Variants in SLIT2 observed in about 807,000 individuals in gnomAD.
SLIT2 encodes the protein slit homolog 2 protein.
Under a neutral mutation model 185.7 loss-of-function variants are expected in SLIT2, and 41 were observed. That is an observed-to-expected ratio of 0.22 (90% CI 0.17 to 0.29). SLIT2 has a LOEUF of 0.29. Ranked by LOEUF, SLIT2 falls within the 10% of genes least tolerant of loss-of-function variation. The pLI is 1.00. For synonymous variants in SLIT2, 693 were observed against 680.2 expected (o/e 1.02, Z -0.29); for missense variants, 1,571 against 1,909.0 (o/e 0.82, Z 3.30).
intron 4 of SLIT2, among the ~76,000 whole-genome samples, chr4:20,450,595 A>T (rs1314454681): frequency 6.6e-6 from 1 of 152,174 alleles, no homozygotes; most frequent in East Asian, 1.9e-4. Flanking sequence ...TTTACCTAGC[A>T]ATATTTCTGA....
chr4:20,518,141 T>TTA (rs201319960), intron 11 of SLIT2, among the ~76,000 whole-genome samples: 1 of 141,672 alleles, frequency 7.1e-6, no homozygotes, highest in Non-Finnish European at 1.5e-5. Flanking sequence ...ATACATATAT[T>TTA]TATATATATA....
intron 29 of SLIT2, among the ~76,000 whole-genome samples, chr4:20,577,074 A>C (rs562659625): frequency 1.3e-5 from 2 of 152,116 alleles, no homozygotes; most frequent in African/African-American, 4.8e-5. Context: ...ACAAAAATCC[A>C]TAAGACATTA....
intron 4 of SLIT2, among the ~76,000 whole-genome samples, chr4:20,274,212 G>T (rs1713938335): frequency 6.6e-6 from 1 of 152,172 alleles, no homozygotes; most frequent in Admixed American, 6.5e-5. Context: ...CACTTTCAGT[G>T]ATTAAAACAC....
At chr4:20,520,790 A>G (rs1286178476) in intron 12 of SLIT2, among the ~76,000 whole-genome samples, 1 of 152,008 alleles carries the variant, frequency 6.6e-6, no homozygotes, top group Non-Finnish European at 1.5e-5. Flanking sequence ...TCCCCACCCC[A>G]ATTCTCTCTT....
At chr4:20,478,816 GAT>G (rs945093215) in intron 5 of SLIT2, among the ~76,000 whole-genome samples, 1 of 151,806 alleles carries the variant, frequency 6.6e-6, no homozygotes, top group African/African-American at 2.4e-5. Flanking sequence ...TAGTAGTGTA[GAT>G]ATATATATAG....
At chr4:20,591,841 A>C (rs989545086) in intron 30 of SLIT2, among the ~76,000 whole-genome samples, 1 of 152,130 alleles carries the variant, frequency 6.6e-6, no homozygotes, top group Non-Finnish European at 1.5e-5. Context: ...AGTAAGACTT[A>C]ACTGAAACTA....
chr4:20,432,172 C>G (rs564362542), intron 4 of SLIT2, among the ~76,000 whole-genome samples: 12 of 152,222 alleles, frequency 7.9e-5, no homozygotes, highest in Admixed American at 4.6e-4. Context: ...GGTGAACTGG[C>G]TAGAGCTGCT....
At chr4:20,439,363 G>C (rs755315848) in intron 4 of SLIT2, among the ~76,000 whole-genome samples, 13 of 152,174 alleles carry the variant, frequency 8.5e-5, no homozygotes, top group Non-Finnish European at 1.9e-4. Flanking sequence ...CCACAGGGTT[G>C]TCTCCTTCTG....
intron 4 of SLIT2, among the ~76,000 whole-genome samples, chr4:20,344,874 A>G (rs975071752): frequency 4.6e-5 from 7 of 152,166 alleles, no homozygotes; most frequent in African/African-American, 1.7e-4. Flanking sequence ...TTGTTTAAAT[A>G]TGAAAGATAT....
At position 20,253,430 on chromosome 4, in the gene SLIT2, A is replaced by G. The variant is rs1369058597; in HGVS notation, c.-386A>G. On this transcript the variant is annotated 5_prime_UTR_variant, in exon 1 of 37. Coordinates refer to ENST00000504154, the MANE Select transcript of SLIT2 (RefSeq NM_004787.4). ...GTGGGATCAGAGGACCGCCCTCCCC[A>G]CAACAACCGGCCCCTGCATCTTAGC... 4.1e-6 allele frequency: 1 copy of G among 243,636 alleles called. No individual in the cohort carries two copies. Among genetic ancestry groups the G allele is most frequent in the African/African-American group, 2.2e-5 (1 of 44,742 alleles). The allele number at this position is 243,636 out of a possible 1,614,324, so 15.1% of individuals were successfully genotyped here. A position where few individuals can be genotyped will look rare whatever the true frequency, so the allele number is the denominator to read the frequency against.
chr4:20,582,443 A>C (rs1577967885), intron 29 of SLIT2, among the ~76,000 whole-genome samples: 1 of 152,202 alleles, frequency 6.6e-6, no homozygotes, highest in South Asian at 2.1e-4. Flanking sequence ...ACGTTCCAAG[A>C]CCCTCAGTAG....
At chr4:20,354,577 C>T (rs1400235890) in intron 4 of SLIT2, among the ~76,000 whole-genome samples, 1 of 152,118 alleles carries the variant, frequency 6.6e-6, no homozygotes, top group Non-Finnish European at 1.5e-5. Flanking sequence ...TAAACCTTTT[C>T]TTCATGGCAT....
Position 20,340,986 on chromosome 4 carries a change from T to A in SLIT2, c.395+72105T>A, listed in dbSNP as rs372002894. Among the ~76,000 whole-genome samples the A allele has an allele frequency of 3.9e-5, 6 of 152,172 alleles. No homozygotes were observed. In the East Asian group the frequency reaches 7.8e-4, roughly 20 times the overall value. ...AATGAGGAGGGTAGGGATGGTTGGT[T>A]TCAATTTCAAATAGATAGCTAGATA... On this transcript the variant is annotated intron_variant, in intron 4 of 36. Transcript: ENST00000504154.
chr4:20,303,457 C>T (rs1232746562), intron 4 of SLIT2, among the ~76,000 whole-genome samples: 1 of 147,696 alleles, frequency 6.8e-6, no homozygotes, highest in Non-Finnish European at 1.5e-5. Context: ...ATTACAGTTA[C>T]TTTTTTTTTT....
intron 25 of SLIT2, chr4:20,552,427 G>A (rs186693382): frequency 1.4e-5 from 2 of 146,960 alleles, no homozygotes; most frequent in Admixed American, 6.8e-5. Flanking sequence ...TATACTTTAA[G>A]TTCTAGTGTA....
rs1032545674 is a variant in SLIT2 at position 20,608,086 on chromosome 4, A to G, written c.3693-1927A>G. On this transcript the variant is annotated intron_variant, in intron 33 of 36. Transcript: ENST00000504154. Reference sequence around the variant, plus strand: ...ATGGTATTGAATTATTTGTATCATGATGATCGTGGTTGGGTGGGGGACCGA... The same window carrying G: ...ATGGTATTGAATTATTTGTATCATGGTGATCGTGGTTGGGTGGGGGACCGA... 2.0e-5 allele frequency among the ~76,000 whole-genome samples: 3 copies of G among 152,120 alleles called. No individual in the cohort carries two copies. In the East Asian group the frequency reaches 5.8e-4, roughly 29 times the overall value.
chr4:20,416,207 A>G (rs1259289073), intron 4 of SLIT2, among the ~76,000 whole-genome samples: 1 of 152,132 alleles, frequency 6.6e-6, no homozygotes, highest in East Asian at 1.9e-4. Context: ...CAAGAACAGC[A>G]TTTATTTTCT....
intron 4 of SLIT2, among the ~76,000 whole-genome samples, chr4:20,278,538 C>T (rs1714398076): frequency 6.6e-6 from 1 of 152,020 alleles, no homozygotes; most frequent in Non-Finnish European, 1.5e-5. Context: ...AGCCTCTTGT[C>T]ACAAAAACCC....
rs1725327053 is a variant in SLIT2 at position 20,568,942 on chromosome 4, A to G, written c.3026A>G (p.Asn1009Ser). 2 of 1,612,556 alleles carry G rather than the reference A, an allele frequency of 1.2e-6. No individual in the cohort carries two copies. Among genetic ancestry groups the G allele is most frequent in the Non-Finnish European group, 1.7e-6 (2 of 1,178,942 alleles). ...GATTGTGAAGATAATGACTGTGAAAATAATTCTACATGTGTCGATGGCATT... is the reference window on the plus strand; with the variant it reads ...GATTGTGAAGATAATGACTGTGAAAGTAATTCTACATGTGTCGATGGCATT... Reference protein sequence around the residue: ...VDDCEDNDCENNSTCVDGINN... With the variant: ...VDDCEDNDCESNSTCVDGINN... The change falls in exon 29 of 37, where the codon AAT (asparagine) becomes AGT (serine). Residue 1009 changes from asparagine (N) to serine (S), a missense_variant. Physicochemically the swap from Asn to Ser is conservative, Grantham distance 46. Coordinates refer to ENST00000504154, the MANE Select transcript of SLIT2 (RefSeq NM_004787.4).
Sources: allele counts gnomAD v4.1 joint callset (sites outside exome capture counted in the v4.1 genomes callset), GRCh38; gene constraint gnomAD v4.1.1; transcripts MANE v1.5; gene names NCBI Gene and HGNC (gene_info 2026-07-23, HGNC 2026-07-21).